Variants in SPANXN1 observed in about 807,000 individuals in gnomAD.
The protein encoded by SPANXN1 is sperm protein associated with the nucleus on the X chromosome N1.
A neutral mutation model predicts 2.0 loss-of-function variants in SPANXN1; 1 was observed. The ratio of observed to expected loss-of-function variants is 0.50; its 90% CI spans 0.18 to 2.36. SPANXN1 has a LOEUF of 2.36. Among genes scored for constraint, SPANXN1 ranks in the 30% most tolerant of loss-of-function variants. The pLI, the probability that SPANXN1 is intolerant of heterozygous loss-of-function variation, is 0.26. For synonymous variants in SPANXN1, 27 were observed against 21.3 expected (o/e 1.27, Z -0.74); for missense variants, 55 against 51.8 (o/e 1.06, Z -0.19).
intron 1 of SPANXN1, among the ~76,000 whole-genome samples, chrX:145,251,029 C>G (rs1339186478): frequency 8.9e-6 from 1 of 112,048 alleles, no homozygotes; most frequent in African/African-American, 3.3e-5. Context: ...ACTAGCTTTG[C>G]CTGTTGAGAG....
intron 1 of SPANXN1, among the ~76,000 whole-genome samples, chrX:145,252,109 A>C (rs1337871262): frequency 5.4e-5 from 6 of 111,887 alleles, no homozygotes; most frequent in African/African-American, 2.0e-4. Flanking sequence ...TAGGAAAAAG[A>C]GGAAGTTCAG....
intron 1 of SPANXN1, among the ~76,000 whole-genome samples, chrX:145,250,175 T>A (rs1293490353): frequency 8.9e-6 from 1 of 111,959 alleles, no homozygotes. Context: ...GTGAAACAAA[T>A]TGACCCATTG....
chrX:145,255,168 C>T (rs1556882952), intron 1 of SPANXN1, among the ~76,000 whole-genome samples: 2 of 111,766 alleles, frequency 1.8e-5, no homozygotes, highest in Admixed American at 9.4e-5. Flanking sequence ...CCACTGCTTA[C>T]AGCCTGGGGT....
chrX:145,255,941 C>T lies in SPANXN1; in HGVS notation c.*127C>T. On this transcript the variant is annotated 3_prime_UTR_variant, in exon 2 of 2. Transcript: ENST00000370493. ...AGACTCAGCTGAAGGATCTTCAAAG[C>T]AGGATGAAGACCTAGACTTACCTGA... The T allele has an allele frequency of 8.8e-7, 1 of 1,136,099 alleles. No individual in the cohort carries two copies. The highest frequency in any genetic ancestry group is 1.2e-6 in the Non-Finnish European group (1 of 828,155). The allele number at this position is 1,136,099 out of a possible 1,213,427, so 93.6% of individuals were successfully genotyped here.
chrX:145,254,009 C>T (rs142357281), intron 1 of SPANXN1, among the ~76,000 whole-genome samples: 7 of 105,937 alleles, frequency 6.6e-5, no homozygotes. Flanking sequence ...TGGTTTCTAG[C>T]GAAAGGGGGT....
chrX:145,255,183 A>G (rs1383223603), intron 1 of SPANXN1, among the ~76,000 whole-genome samples: 1 of 111,808 alleles, frequency 8.9e-6, no homozygotes, highest in African/African-American at 3.3e-5. Flanking sequence ...TGGGGTACTT[A>G]CAGGTATGGG....
In SPANXN1 at chrX:145,255,730, G is replaced by A. The variant is rs1556883074; in HGVS notation, c.135G>A (p.Thr45=). 19 of 1,210,591 alleles carry A rather than the reference G, an allele frequency of 1.6e-5. No homozygotes were observed. The highest frequency in any genetic ancestry group is 5.2e-5 in the African/African-American group (3 of 57,317). Residue 45 remains threonine, a synonymous_variant, in exon 2 of 2, where the codon ACG becomes ACA. Transcript: ENST00000370493. ...APEPSLKKMK[T]SEYSTVLAFC... Reference sequence around the variant, plus strand: ...AACCGAGTTTGAAAAAGATGAAAACGTCAGAATATTCAACAGTATTAGCGT... The same window carrying A: ...AACCGAGTTTGAAAAAGATGAAAACATCAGAATATTCAACAGTATTAGCGT...
intron 1 of SPANXN1, among the ~76,000 whole-genome samples, chrX:145,251,083 C>T (rs1206849799): frequency 1.8e-5 from 2 of 111,849 alleles, no homozygotes; most frequent in Non-Finnish European, 3.8e-5. Context: ...AGTTTATTTT[C>T]AGCAATGATG....
intron 1 of SPANXN1, among the ~76,000 whole-genome samples, chrX:145,250,150 G>A (rs1295835492): frequency 1.8e-5 from 2 of 111,799 alleles, no homozygotes; most frequent in Non-Finnish European, 3.8e-5. Context: ...GCCTTTGCCA[G>A]CTGTTGGCTG....
chrX:145,250,679 T>C (rs1359628566), intron 1 of SPANXN1, among the ~76,000 whole-genome samples: 2 of 111,659 alleles, frequency 1.8e-5, no homozygotes, highest in South Asian at 3.8e-4. Context: ...CTGCTGGGTA[T>C]ATACAGGGTG....
At chrX:145,254,009 C>A (rs142357281) in intron 1 of SPANXN1, among the ~76,000 whole-genome samples, 1 of 105,896 alleles carries the variant, frequency 9.4e-6, no homozygotes, top group Non-Finnish European at 1.9e-5. Context: ...TGGTTTCTAG[C>A]GAAAGGGGGT....
intron 1 of SPANXN1, among the ~76,000 whole-genome samples, chrX:145,249,480 G>A (rs1256950826): frequency 3.6e-5 from 4 of 111,255 alleles, no homozygotes; most frequent in African/African-American, 1.3e-4. Context: ...AACAAAGTAG[G>A]AGATAAAAGA....
chrX:145,247,669 T>C lies in SPANXN1; in HGVS notation c.75+8T>C, dbSNP rs1301633444. ...AACAATGAAAATGATGAGGTAAGAT[T>C]GTTAGGTTTTGAAGGGAAGGTGAGG... On this transcript the variant is annotated splice_region_variant and intron_variant, in intron 1 of 1. Coordinates refer to ENST00000370493, the MANE Select transcript of SPANXN1 (RefSeq NM_001009614.3). The C allele has an allele frequency of 8.3e-7, 1 of 1,200,044 alleles. No homozygotes were observed. Among genetic ancestry groups the C allele is most frequent in the African/African-American group, 1.8e-5 (1 of 56,479 alleles).
chrX:145,252,888 T>C (rs1314776941), intron 1 of SPANXN1, among the ~76,000 whole-genome samples: 1 of 110,445 alleles, frequency 9.1e-6, no homozygotes, highest in Non-Finnish European at 1.9e-5. Flanking sequence ...CTAGAGGGGA[T>C]TCTATTGACT....
rs1437068746 is a variant in SPANXN1 at position 145,249,809 on chromosome X, A to T, written c.75+2148A>T. ...TGTAGGGACAGGGAGGAGTGTTTTG[A>T]GGATGGACTTTTAGGCTGGGTCAAG... On this transcript the variant is annotated intron_variant, in intron 1 of 1. Transcript: ENST00000370493. 2.7e-5 allele frequency among the ~76,000 whole-genome samples: 3 copies of T among 110,950 alleles called. No homozygotes were observed. In the East Asian group the frequency reaches 8.6e-4, roughly 32 times the overall value.
intron 1 of SPANXN1, 113 bp from the exon 2 acceptor site, chrX:145,255,558 A>G: frequency 9.2e-7 from 1 of 1,083,631 alleles, no homozygotes; most frequent in Non-Finnish European, 1.3e-6. Flanking sequence ...CTTCTCTGGC[A>G]CACACCCCTT....
intron 1 of SPANXN1, among the ~76,000 whole-genome samples, chrX:145,252,384 G>A (rs1485541128): frequency 9.0e-6 from 1 of 111,113 alleles, no homozygotes; most frequent in Admixed American, 9.6e-5. Flanking sequence ...ACCACTGCCT[G>A]GTTAACAACT....
intron 1 of SPANXN1, among the ~76,000 whole-genome samples, chrX:145,253,819 G>C (rs781919151): frequency 3.4e-4 from 38 of 111,246 alleles, no homozygotes; most frequent in Admixed American, 1.3e-3. Context: ...GCCAGGTAAG[G>C]TCATAAGATT....
chrX:145,248,934 C>T (rs1408234559), intron 1 of SPANXN1, among the ~76,000 whole-genome samples: 1 of 111,586 alleles, frequency 9.0e-6, no homozygotes, highest in African/African-American at 3.3e-5. Context: ...TGGCTCTAGC[C>T]AAGAGGGGAG....
Sources: allele counts gnomAD v4.1 joint callset (sites outside exome capture counted in the v4.1 genomes callset), GRCh38; gene constraint gnomAD v4.1.1; transcripts MANE v1.5; gene names NCBI Gene and HGNC (gene_info 2026-07-23, HGNC 2026-07-21).